Variants in LRRC4C observed in about 807,000 individuals in gnomAD.
The protein encoded by LRRC4C is leucine rich repeat containing 4C.
A neutral mutation model predicts 33.6 loss-of-function variants in LRRC4C; 5 were observed. The observed-to-expected ratio is 0.15, with a 90% CI of 0.08 to 0.31. The LOEUF (loss-of-function observed/expected upper bound fraction) is 0.31, where lower values mean the gene tolerates loss of function less well. LRRC4C is among the 10% of genes least tolerant of loss of function. The pLI is 1.00. For synonymous variants in LRRC4C, 329 were observed against 302.0 expected (o/e 1.09, Z -0.93); for missense variants, 560 against 796.7 (o/e 0.70, Z 3.58).
chr11:40,906,381 T>C (rs1956417026), intron 2 of LRRC4C, among the ~76,000 whole-genome samples: 1 of 152,016 alleles, frequency 6.6e-6, no homozygotes, highest in East Asian at 1.9e-4. Context: ...CATGGTGCCA[T>C]GCGCCTGTAA....
At chr11:41,127,648 C>G (rs1942810284) in intron 1 of LRRC4C, among the ~76,000 whole-genome samples, 1 of 152,044 alleles carries the variant, frequency 6.6e-6, no homozygotes, top group Non-Finnish European at 1.5e-5. Flanking sequence ...GAGACTATTT[C>G]TAGGCCATGA....
chr11:40,115,102 C>T lies in LRRC4C; in HGVS notation c.1191G>A (p.Gly397=). The T allele has an allele frequency of 6.2e-7, 1 of 1,614,136 alleles. No individual in the cohort carries two copies. Among genetic ancestry groups the T allele is most frequent in the Non-Finnish European group, 8.5e-7 (1 of 1,180,038 alleles). ...GCACAGCTATCCGCACTTTGTACGC[C>T]CCATGTGTCATGACTGTTCCATTTG... ...ITPNGTVMTH[G]AYKVRIAVLS... Residue 397 remains glycine (G), a synonymous_variant, in exon 7 of 7, where the codon GGG becomes GGA. Coordinates refer to ENST00000528697, the MANE Select transcript of LRRC4C (RefSeq NM_001258419.2). The surrounding 1 kb of genome is among the most constrained non-coding windows in gnomAD (Gnocchi z 6.7).
intron 5 of LRRC4C, among the ~76,000 whole-genome samples, chr11:40,144,981 C>G (rs1857620905): frequency 6.6e-6 from 1 of 152,178 alleles, no homozygotes; most frequent in South Asian, 2.1e-4. Flanking sequence ...GGGCAACTAT[C>G]AACCAGTGTG....
At chr11:41,116,225 C>T (rs1206332651) in intron 1 of LRRC4C, among the ~76,000 whole-genome samples, 1 of 152,072 alleles carries the variant, frequency 6.6e-6, no homozygotes, top group Non-Finnish European at 1.5e-5. Context: ...AGTCCCAGCT[C>T]CACCATATGC....
chr11:41,336,000 T>C (rs1329698808), intron 1 of LRRC4C, among the ~76,000 whole-genome samples: 1 of 152,184 alleles, frequency 6.6e-6, no homozygotes, highest in Non-Finnish European at 1.5e-5. Context: ...CATTTATTTA[T>C]GGAGCAAAGG....
At chr11:40,658,102 G>A (rs1017203436) in intron 2 of LRRC4C, among the ~76,000 whole-genome samples, 2 of 152,100 alleles carry the variant, frequency 1.3e-5, no homozygotes, top group African/African-American at 4.8e-5. Context: ...AATAAAGAAT[G>A]TTATCTTATA....
intron 6 of LRRC4C, among the ~76,000 whole-genome samples, chr11:40,128,190 T>C (rs1376016866): frequency 6.6e-6 from 1 of 152,148 alleles, no homozygotes; most frequent in Non-Finnish European, 1.5e-5. Flanking sequence ...ATTGTGAGGA[T>C]TACACGAATT....
chr11:41,148,242 CCTGATCTT>C (rs1421542364), intron 1 of LRRC4C, among the ~76,000 whole-genome samples: 2 of 151,906 alleles, frequency 1.3e-5, no homozygotes, highest in South Asian at 2.1e-4. Flanking sequence ...ATCTCGATCT[CCTGATCTT>C]CTGATCTGCC....
intron 1 of LRRC4C, among the ~76,000 whole-genome samples, chr11:41,194,163 C>T (rs895077533): frequency 1.3e-5 from 2 of 151,980 alleles, no homozygotes; most frequent in African/African-American, 4.8e-5. Flanking sequence ...CTCCAGGTTC[C>T]TTTATCATAA....
At chr11:40,364,563 AATACAAATTAGC>A (rs1948121520) in intron 3 of LRRC4C, among the ~76,000 whole-genome samples, 1 of 152,098 alleles carries the variant, frequency 6.6e-6, no homozygotes, top group Non-Finnish European at 1.5e-5. Context: ...AAGCAAACGG[AATACAAATTAGC>A]AATGAGATGG....
At chr11:40,991,486 G>A (rs1853559865) in intron 1 of LRRC4C, among the ~76,000 whole-genome samples, 1 of 152,158 alleles carries the variant, frequency 6.6e-6, no homozygotes, top group Non-Finnish European at 1.5e-5. Context: ...GGGAGTGACT[G>A]TTGGTGGTAG....
chr11:40,418,681 T>A (rs1045458863), intron 3 of LRRC4C, among the ~76,000 whole-genome samples: 3 of 152,302 alleles, frequency 2.0e-5, no homozygotes, highest in Middle Eastern at 3.4e-3. Context: ...TGCAGCACTA[T>A]TCACAATAGC....
chr11:41,183,592 G>A (rs1028495326), intron 1 of LRRC4C, among the ~76,000 whole-genome samples: 2 of 152,086 alleles, frequency 1.3e-5, no homozygotes, highest in Non-Finnish European at 2.9e-5. Flanking sequence ...GTCTTTGAAG[G>A]GTACAGACTC....
chr11:40,550,264 C>T (rs1957081567), intron 3 of LRRC4C, among the ~76,000 whole-genome samples: 1 of 152,038 alleles, frequency 6.6e-6, no homozygotes, highest in Non-Finnish European at 1.5e-5. Flanking sequence ...CCATGTCTGC[C>T]TCTCCCTTAA....
intron 2 of LRRC4C, among the ~76,000 whole-genome samples, chr11:40,880,861 G>T (rs1051526493): frequency 2.0e-5 from 1 of 50,270 alleles, no homozygotes; most frequent in Admixed American, 2.0e-4. Context: ...AAATGTGTGT[G>T]TGTATATATA....
intron 2 of LRRC4C, among the ~76,000 whole-genome samples, chr11:40,723,831 C>T (rs1284745519): frequency 6.6e-6 from 1 of 152,056 alleles, no homozygotes; most frequent in African/African-American, 2.4e-5. Flanking sequence ...TATTAAAAAA[C>T]AGGACTCAAC....
chr11:41,047,060 C>CA (rs527817460), intron 1 of LRRC4C, among the ~76,000 whole-genome samples: 149 of 151,890 alleles, frequency 9.8e-4, no homozygotes, highest in African/African-American at 3.4e-3. Flanking sequence ...AGGCCACTAC[C>CA]AAAAAAATGA....
intron 2 of LRRC4C, among the ~76,000 whole-genome samples, chr11:40,770,334 CT>C (rs766702699): frequency 4.6e-5 from 7 of 152,116 alleles, no homozygotes; most frequent in Non-Finnish European, 7.3e-5. Context: ...CTTGTGAGAA[CT>C]CACTATTGTA....
At chr11:41,429,885 G>T (rs1305998614) in intron 1 of LRRC4C, among the ~76,000 whole-genome samples, 1 of 151,970 alleles carries the variant, frequency 6.6e-6, no homozygotes, top group Non-Finnish European at 1.5e-5. Context: ...GGAGGAAAGG[G>T]GAAGCTTCCA....
Sources: allele counts gnomAD v4.1 joint callset (sites outside exome capture counted in the v4.1 genomes callset), GRCh38; gene constraint gnomAD v4.1.1; non-coding constraint Gnocchi (gnomAD v3.1); transcripts MANE v1.5; gene names NCBI Gene and HGNC (gene_info 2026-07-23, HGNC 2026-07-21).